The following NUP205 variants were observed in gnomAD, a reference collection of about 807,000 sequenced individuals.
NUP205 encodes nuclear pore complex protein Nup205.
A neutral mutation model predicts 253.8 loss-of-function variants in NUP205; 76 were observed. The ratio of observed to expected loss-of-function variants is 0.30; its 90% CI spans 0.25 to 0.36. The LOEUF (loss-of-function observed/expected upper bound fraction) is 0.36. Ranked by LOEUF, NUP205 falls within the 10% of genes least tolerant of loss-of-function variation. NUP205 has a pLI of 1.00. For synonymous variants in NUP205, 832 were observed against 850.1 expected, an observed-to-expected ratio of 0.98 and a Z score of 0.37; for missense variants, 2,162 against 2,425.5, an observed-to-expected ratio of 0.89 and a Z score of 2.28.
At chr7:135,618,066 TAA>T (rs935974784) in intron 27 of NUP205, among the ~76,000 whole-genome samples, 5 of 151,752 alleles carry the variant, frequency 3.3e-5, no homozygotes, top group African/African-American at 1.2e-4. Context: ...GGCAAAGAAA[TAA>T]AAGAGATGTC....
intron 1 of NUP205, among the ~76,000 whole-genome samples, chr7:135,570,052 T>TATAGAGAGAGAGAG (rs1284263475): frequency 3.8e-5 from 3 of 79,166 alleles, no homozygotes; most frequent in African/African-American, 1.6e-4. Flanking sequence ...TATATATATA[T>TATAGAGAGAGAGAG]AGAGAGAGAG....
Position 135,598,203 on chromosome 7 carries a change from A to T in NUP205, c.2270A>T (p.Glu757Val). ...FRTRAYRRAA[E>V]KWEVAEVVLE... ...ACAAGAGCTTACCGGAGAGCAGCTGAAAAGGTTATGTTCAGAGAAAAGCTT... is the reference window on the plus strand; with the variant it reads ...ACAAGAGCTTACCGGAGAGCAGCTGTAAAGGTTATGTTCAGAGAAAAGCTT... The change falls in exon 15 of 43, where the codon GAA (glutamate) becomes GTA (valine). Residue 757 changes from glutamate (E) to valine (V), a missense_variant. This residue lies in a region of NUP205 where 892 missense variants were observed against 957.1 expected (regional missense o/e 0.93). Transcript: ENST00000285968. 1 of 1,613,794 alleles carries T rather than the reference A, an allele frequency of 6.2e-7. No homozygotes were observed. Among genetic ancestry groups the T allele is most frequent in the Non-Finnish European group, 8.5e-7 (1 of 1,179,712 alleles).
intron 18 of NUP205, among the ~76,000 whole-genome samples, chr7:135,603,505 CT>C (rs532195219): frequency 2.4e-3 from 344 of 141,982 alleles, no homozygotes; most frequent in Middle Eastern, 7.2e-3. Flanking sequence ...TCTAAGTCTA[CT>C]TTTTTTTTTT....
chr7:135,607,621 G>A (rs1794115919), intron 22 of NUP205, among the ~76,000 whole-genome samples: 2 of 152,176 alleles, frequency 1.3e-5, no homozygotes, highest in South Asian at 4.1e-4. Flanking sequence ...TACCAGTAGT[G>A]TAGAAACTTT....
intron 41 of NUP205, chr7:135,645,854 C>T: frequency 3.5e-6 from 2 of 575,632 alleles, no homozygotes; most frequent in Non-Finnish European, 6.1e-6. Flanking sequence ...GCTGATCCAG[C>T]TCTAGAAGAA....
chr7:135,600,497 A>G (rs942667223), intron 15 of NUP205, among the ~76,000 whole-genome samples: 1 of 152,210 alleles, frequency 6.6e-6, no homozygotes, highest in African/African-American at 2.4e-5. Context: ...GATTCTTTGC[A>G]GGCAGGCTTG....
At chr7:135,601,546 T>G in intron 17 of NUP205, 39 bp downstream of exon 17, 1 of 1,582,676 alleles carries the variant, frequency 6.3e-7, no homozygotes, top group African/African-American at 1.4e-5. Context: ...CAAACAGCTT[T>G]GATGTTTTCA....
At chr7:135,645,160 A>T in intron 40 of NUP205, 142 bp downstream of exon 40, 1 of 955,380 alleles carries the variant, frequency 1.0e-6, no homozygotes, top group Non-Finnish European at 1.6e-6. Context: ...ATGTATTTCC[A>T]AATCATAGTT....
chr7:135,584,758 G>A, intron 7 of NUP205, 74 bp from the exon 8 acceptor site: 1 of 1,274,802 alleles, frequency 7.8e-7, no homozygotes, highest in Non-Finnish European at 1.1e-6. Flanking sequence ...CATCAGCAGA[G>A]TATTATGAGA....
In NUP205 at chr7:135,591,008, C is replaced by T. The variant is rs897609894; in HGVS notation, c.1474-442C>T. Reference sequence around the variant, plus strand: ...GACTTAAAGAACAGGAGTATGGGAACGTGGCATTGGTTTGACCACAGAACA... The same window carrying T: ...GACTTAAAGAACAGGAGTATGGGAATGTGGCATTGGTTTGACCACAGAACA... On this transcript the variant is annotated intron_variant, in intron 10 of 42. Coordinates refer to ENST00000285968, the MANE Select transcript of NUP205 (RefSeq NM_015135.3). 5.2e-4 allele frequency among the ~76,000 whole-genome samples: 79 copies of T among 152,242 alleles called. 2 individuals carry two copies. Among genetic ancestry groups the T allele is most frequent in the Non-Finnish European group, 2.9e-5 (2 of 68,022 alleles).
intron 1 of NUP205, among the ~76,000 whole-genome samples, chr7:135,570,772 T>TATAATTAATTATATTTATATATTATATTA (rs1805958980): frequency 1.4e-4 from 11 of 78,178 alleles, no homozygotes; most frequent in Middle Eastern, 7.5e-3. Flanking sequence ...ATTATATTAA[T>TATAATTAATTATATTTATATATTATATTA]ATATATTAAT....
intron 14 of NUP205, 102 bp downstream of exon 14, chr7:135,597,520 T>C: frequency 1.4e-6 from 1 of 690,798 alleles, no homozygotes. Context: ...AATTATCAAA[T>C]TTAATGTATT....
chr7:135,558,032 G>A (rs1483517806), intron 1 of NUP205, 60 bp downstream of exon 1: 3 of 1,416,866 alleles, frequency 2.1e-6, no homozygotes, highest in Non-Finnish European at 2.0e-6. Context: ...TTCATGGAGA[G>A]ACGAGACCGT....
intron 34 of NUP205, 70 bp from the exon 35 acceptor site, chr7:135,630,274 A>C: frequency 8.8e-7 from 1 of 1,139,344 alleles, no homozygotes; most frequent in Non-Finnish European, 1.2e-6. Flanking sequence ...TATAAAATGA[A>C]TTATGCATTT....
At chr7:135,613,901 A>G (rs553469386) in intron 22 of NUP205, 1 of 202,072 alleles carries the variant, frequency 4.9e-6, no homozygotes, top group Admixed American at 5.5e-5. Flanking sequence ...ATGTGTATAT[A>G]TTAATAAGTA....
intron 1 of NUP205, among the ~76,000 whole-genome samples, chr7:135,564,123 C>T (rs1353501665): frequency 2.6e-5 from 4 of 151,524 alleles, no homozygotes; most frequent in South Asian, 2.1e-4. Context: ...CTGTTGCCCA[C>T]GCTGGAGTGC....
chr7:135,568,925 A>G (rs978205580), intron 1 of NUP205, among the ~76,000 whole-genome samples: 13 of 152,112 alleles, frequency 8.5e-5, no homozygotes, highest in Non-Finnish European at 1.8e-4. Flanking sequence ...TTTTGAAATT[A>G]TTTTATTGTT....
intron 1 of NUP205, among the ~76,000 whole-genome samples, chr7:135,564,125 C>T (rs532838069): frequency 2.3e-4 from 35 of 151,868 alleles, no homozygotes; most frequent in African/African-American, 8.0e-4. Flanking sequence ...GTTGCCCACG[C>T]TGGAGTGCAG....
chr7:135,606,054 A>T, intron 19 of NUP205, 91 bp from the exon 20 acceptor site: 2 of 855,774 alleles, frequency 2.3e-6, no homozygotes, highest in South Asian at 3.2e-5. Flanking sequence ...ATTTTTCCTT[A>T]TGGATGAATA....
Sources: allele counts gnomAD v4.1 joint callset (sites outside exome capture counted in the v4.1 genomes callset), GRCh38; gene constraint gnomAD v4.1.1; regional missense constraint gnomAD v4.1.1; transcripts MANE v1.5; gene names NCBI Gene and HGNC (gene_info 2026-07-23, HGNC 2026-07-21).